Variants in TIPRL observed in about 807,000 individuals in gnomAD.
TIPRL encodes TOR signaling pathway regulator.
TIPRL carries 10 observed loss-of-function variants against 32.3 expected under a neutral mutation model. The observed-to-expected ratio is 0.31, with a 90% CI of 0.19 to 0.52. The LOEUF is 0.52. Ranked by LOEUF, TIPRL falls within the 20% of genes least tolerant of loss-of-function variation. TIPRL has a pLI of 0.96. For synonymous variants in TIPRL, 100 were observed against 114.0 expected (o/e 0.88, Z 0.78); for missense variants, 250 against 328.1 (o/e 0.76, Z 1.84).
intron 1 of TIPRL, among the ~76,000 whole-genome samples, chr1:168,180,362 A>G (rs1301520499): frequency 6.6e-6 from 1 of 152,170 alleles, no homozygotes; most frequent in Non-Finnish European, 1.5e-5. Flanking sequence ...TGTTGGTTAG[A>G]GGATGAGTTT....
chr1:168,179,600 A>G (rs2102303290), intron 1 of TIPRL, among the ~76,000 whole-genome samples: 1 of 150,096 alleles, frequency 6.7e-6, no homozygotes, highest in South Asian at 2.1e-4. Flanking sequence ...TGTAAAAGAC[A>G]ACGTGCGCCT....
intron 3 of TIPRL, among the ~76,000 whole-genome samples, chr1:168,185,494 C>T (rs1700014534): frequency 6.6e-6 from 1 of 151,974 alleles, no homozygotes; most frequent in African/African-American, 2.4e-5. Context: ...AGATTGGGGC[C>T]AGGCGCAGTG....
chr1:168,184,096 A>G lies in TIPRL; in HGVS notation c.284+15A>G, dbSNP rs369681691. 23 of 1,593,696 alleles carry G rather than the reference A, an allele frequency of 1.4e-5. No homozygotes were observed. Among genetic ancestry groups the G allele is most frequent in the African/African-American group, 4.0e-5 (3 of 74,482 alleles). The stretch of plus-strand genomic sequence containing the variant: ...CAAGAAAGCAGGTGAGAATCCGGTC[A>G]ATTAGGTTAAACAAAAAAGGTAATT... On this transcript the variant is annotated intron_variant, in intron 2 of 6. Coordinates refer to ENST00000367833, the MANE Select transcript of TIPRL (RefSeq NM_152902.5).
In TIPRL at chr1:168,191,361, TC is replaced by T; in HGVS notation, c.385-7del. ...TAATGTGCTCCTCTTTAAAATTTTT[TC>T]TTTCAGGTTGTACCTACAACAGATC... is the stretch of plus-strand genomic sequence containing the variant. On this transcript the variant is annotated splice_region_variant and splice_polypyrimidine_tract_variant and intron_variant, in intron 3 of 6. Transcript: ENST00000367833. The T allele has an allele frequency of 6.6e-7, 1 of 1,518,340 alleles. No individual in the cohort carries two copies. 94.1% of individuals were successfully genotyped at this position (1,518,340 alleles called of 1,614,324 possible).
intron 4 of TIPRL, among the ~76,000 whole-genome samples, chr1:168,194,552 G>A (rs1464840824): frequency 6.6e-6 from 1 of 152,188 alleles, no homozygotes; most frequent in Admixed American, 6.5e-5. Flanking sequence ...TTGCAAGTCA[G>A]TTTTTCCATA....
intron 1 of TIPRL, among the ~76,000 whole-genome samples, chr1:168,181,576 T>G (rs1420049900): frequency 6.6e-6 from 1 of 150,714 alleles, no homozygotes; most frequent in Non-Finnish European, 1.5e-5. Context: ...GGTTTTTAAT[T>G]GCAAAACCGC....
rs1572430585 is a variant in TIPRL, at chr1:168,184,965, C to A, written c.384+87C>A. Reference sequence around the variant, plus strand: ...CTTTCTAGTAACGGGTTATTTTTTGCAACTATTTTTATCGTCCTTGTTTTC... The same window carrying A: ...CTTTCTAGTAACGGGTTATTTTTTGAAACTATTTTTATCGTCCTTGTTTTC... On this transcript the variant is annotated intron_variant, in intron 3 of 6. Coordinates refer to ENST00000367833, the MANE Select transcript of TIPRL (RefSeq NM_152902.5). The A allele has an allele frequency of 1.4e-5, 11 of 803,186 alleles. No individual in the cohort carries two copies. In the East Asian group the frequency reaches 2.9e-4, roughly 21 times the overall value. The allele number at this position is 803,186 out of a possible 1,614,324, so 49.8% of individuals were successfully genotyped here.
chr1:168,193,482 C>T (rs1030854119), intron 4 of TIPRL, among the ~76,000 whole-genome samples: 1 of 152,086 alleles, frequency 6.6e-6, no homozygotes, highest in Non-Finnish European at 1.5e-5. Context: ...ATTCTCTCTT[C>T]AGTTCACCTA....
chr1:168,183,377 A>ATTTTTTTTTTTTTTT (rs55731463), intron 1 of TIPRL, among the ~76,000 whole-genome samples: 4 of 129,786 alleles, frequency 3.1e-5, no homozygotes, highest in African/African-American at 9.0e-5. Context: ...AATTCCTGTG[A>ATTTTTTTTTTTTTTT]TTTTTTTTTT....
chr1:168,180,773 T>G (rs1699950362), intron 1 of TIPRL, among the ~76,000 whole-genome samples: 1 of 151,826 alleles, frequency 6.6e-6, no homozygotes, highest in African/African-American at 2.4e-5. Flanking sequence ...TGAATTACTT[T>G]TTTGAGTTTT....
At chr1:168,182,989 T>C (rs576441697) in intron 1 of TIPRL, among the ~76,000 whole-genome samples, 2 of 152,240 alleles carry the variant, frequency 1.3e-5, no homozygotes, top group South Asian at 4.1e-4. Flanking sequence ...TTGTTAACAT[T>C]GTGCAGTCCT....
chr1:168,183,297 C>T (rs912910581), intron 1 of TIPRL, among the ~76,000 whole-genome samples: 30 of 150,800 alleles, frequency 2.0e-4, no homozygotes, highest in African/African-American at 7.3e-4. Context: ...TTTTTCTGTA[C>T]TTGGAATTAT....
chr1:168,181,797 A>G (rs1462479585), intron 1 of TIPRL, among the ~76,000 whole-genome samples: 1 of 151,326 alleles, frequency 6.6e-6, no homozygotes, highest in Non-Finnish European at 1.5e-5. Flanking sequence ...GCGGTGACTC[A>G]CTCCTGTAAT....
chr1:168,191,068 GATTA>G (rs368446524), intron 3 of TIPRL, among the ~76,000 whole-genome samples: 3 of 152,122 alleles, frequency 2.0e-5, no homozygotes, highest in African/African-American at 7.2e-5. Flanking sequence ...ATGTTTAGTT[GATTA>G]ATTTTCTCAT....
chr1:168,186,617 G>T (rs916496259), intron 3 of TIPRL, among the ~76,000 whole-genome samples: 1 of 152,026 alleles, frequency 6.6e-6, no homozygotes, highest in Non-Finnish European at 1.5e-5. Context: ...TATATTAAAA[G>T]TAGCTATTGG....
chr1:168,192,811 G>A (rs1030111138), intron 4 of TIPRL, among the ~76,000 whole-genome samples: 7 of 152,142 alleles, frequency 4.6e-5, no homozygotes, highest in Non-Finnish European at 7.4e-5. Flanking sequence ...GCGTGAACCC[G>A]GAAGGCAGAG....
intron 3 of TIPRL, among the ~76,000 whole-genome samples, chr1:168,186,335 A>C (rs1046256309): frequency 7.2e-5 from 11 of 151,824 alleles, no homozygotes; most frequent in African/African-American, 2.7e-4. Flanking sequence ...ACCTCTACTA[A>C]AAATGTAAAA....
At chr1:168,193,391 C>T (rs567690844) in intron 4 of TIPRL, among the ~76,000 whole-genome samples, 1 of 152,102 alleles carries the variant, frequency 6.6e-6, no homozygotes, top group Admixed American at 6.5e-5. Context: ...TATCATTATT[C>T]TAGCATTAGA....
chr1:168,183,132 GTC>G (rs1367005976), intron 1 of TIPRL, among the ~76,000 whole-genome samples: 1 of 151,946 alleles, frequency 6.6e-6, no homozygotes, highest in Non-Finnish European at 1.5e-5. Context: ...TATTATTATA[GTC>G]TCTCTTTAAA....
Sources: gnomAD v4.1 joint callset for allele counts (sites outside exome capture counted in the v4.1 genomes callset) on GRCh38, gnomAD v4.1.1 for gene constraint, MANE v1.5 for transcripts, NCBI Gene and HGNC (gene_info 2026-07-23, HGNC 2026-07-21) for gene names.